Variants in DLG2 observed in about 807,000 individuals in gnomAD.
DLG2 encodes discs large MAGUK scaffold protein 2.
DLG2 carries 45 observed loss-of-function variants against 132.5 expected under a neutral mutation model. The ratio of observed to expected loss-of-function variants is 0.34; its 90% CI spans 0.27 to 0.44. The LOEUF (loss-of-function observed/expected upper bound fraction) is 0.44. Ranked by LOEUF, DLG2 falls within the 20% of genes least tolerant of loss-of-function variation. DLG2 has a pLI of 1.00. For synonymous variants in DLG2, 424 were observed against 419.6 expected (o/e 1.01, Z -0.13); for missense variants, 1,045 against 1,196.9 (o/e 0.87, Z 1.87).
intron 7 of DLG2, among the ~76,000 whole-genome samples, chr11:84,519,543 T>A (rs773620216): frequency 1.3e-5 from 2 of 152,142 alleles, no homozygotes; most frequent in African/African-American, 2.4e-5. Flanking sequence ...TCAGAAGCAG[T>A]TCTGCATTTA....
intron 18 of DLG2, among the ~76,000 whole-genome samples, chr11:83,703,360 C>T (rs1297010029): frequency 6.6e-6 from 1 of 152,162 alleles, no homozygotes; most frequent in Non-Finnish European, 1.5e-5. Context: ...ATAAAAATTT[C>T]AACAAACGGC....
intron 18 of DLG2, chr11:83,725,013 T>A: frequency 1.5e-6 from 1 of 667,664 alleles, no homozygotes; most frequent in Non-Finnish European, 2.7e-6. Context: ...CCAAAGCCTG[T>A]TAGGAGTGAA....
chr11:85,564,984 T>C (rs1042542289), intron 3 of DLG2, among the ~76,000 whole-genome samples: 3 of 152,084 alleles, frequency 2.0e-5, no homozygotes, highest in Non-Finnish European at 1.5e-5. Flanking sequence ...AAATATTTCA[T>C]ATTTTGATGT....
chr11:85,426,671 TG>T, intron 3 of DLG2, among the ~76,000 whole-genome samples: 1 of 151,850 alleles, frequency 6.6e-6, no homozygotes, highest in East Asian at 1.9e-4. Context: ...ACCACAAAGA[TG>T]GGGAAAAAAC....
intron 18 of DLG2, among the ~76,000 whole-genome samples, chr11:83,641,032 C>A (rs1199439485): frequency 6.6e-6 from 1 of 152,182 alleles, no homozygotes; most frequent in Non-Finnish European, 1.5e-5. Context: ...TACCCCCATA[C>A]ATTGTTGTTC....
In DLG2 at chr11:83,573,304, G is replaced by A. The variant is rs17464925; in HGVS notation, c.1941-31446C>T. Among the ~76,000 whole-genome samples, 861 of 152,202 alleles carry A rather than the reference G, an allele frequency of 5.7e-3. 5 individuals are homozygous for A. Among genetic ancestry groups the A allele is most frequent in the Middle Eastern group, 0.024 (7 of 294 alleles). On this transcript the variant is annotated intron_variant, in intron 19 of 27. Coordinates refer to ENST00000376104, the MANE Select transcript of DLG2 (RefSeq NM_001142699.3). ...AGATTTCGGTCTTAGTCATCTCTAT[G>A]TCATCAGTTAGGCAAACAAATGCCT... is the stretch of plus-strand genomic sequence containing the variant.
intron 7 of DLG2, among the ~76,000 whole-genome samples, chr11:84,466,868 A>G (rs1351867680): frequency 6.6e-6 from 1 of 151,454 alleles, no homozygotes; most frequent in Non-Finnish European, 1.5e-5. Context: ...ATAAGTAAAA[A>G]TACTAAGAAA....
intron 6 of DLG2, among the ~76,000 whole-genome samples, chr11:84,618,214 A>T (rs2099607865): frequency 6.6e-6 from 1 of 152,052 alleles, no homozygotes; most frequent in African/African-American, 2.4e-5. Context: ...AAGTCCAAAG[A>T]GGTTGAACCT....
chr11:83,900,559 T>C (rs1226981164), intron 15 of DLG2, among the ~76,000 whole-genome samples: 1 of 152,240 alleles, frequency 6.6e-6, no homozygotes, highest in African/African-American at 2.4e-5. Flanking sequence ...CTGTGGCTTC[T>C]GAGGGTGCAA....
At chr11:84,051,410 A>G (rs1222093263) in intron 11 of DLG2, among the ~76,000 whole-genome samples, 4 of 151,804 alleles carry the variant, frequency 2.6e-5, no homozygotes, top group Non-Finnish European at 5.9e-5. Context: ...TTAAGAAAAT[A>G]TGGCACACAT....
chr11:83,570,679 T>C (rs530144550), intron 19 of DLG2, among the ~76,000 whole-genome samples: 17 of 152,194 alleles, frequency 1.1e-4, no homozygotes, highest in African/African-American at 3.4e-4. Context: ...AGTGGGCAGA[T>C]ACATGAAGAC....
chr11:84,459,411 T>C (rs754452913), intron 7 of DLG2, among the ~76,000 whole-genome samples: 29 of 150,834 alleles, frequency 1.9e-4, no homozygotes, highest in Non-Finnish European at 3.1e-4. Context: ...GTAAACATTA[T>C]AATCCTTTCA....
At chr11:84,613,943 T>A (rs1345197969) in intron 6 of DLG2, among the ~76,000 whole-genome samples, 1 of 152,126 alleles carries the variant, frequency 6.6e-6, no homozygotes, top group Non-Finnish European at 1.5e-5. Context: ...TCTTTCATAT[T>A]TGTAAAGTGG....
chr11:84,235,093 GTCTTTAGATAAACTCTTT>G (rs2097142017), intron 8 of DLG2, among the ~76,000 whole-genome samples: 4 of 152,090 alleles, frequency 2.6e-5, no homozygotes, highest in Admixed American at 2.6e-4. Flanking sequence ...TTCATTCCAG[GTCTTTAGATAAACTCTTT>G]CAACCAATGC....
intron 4 of DLG2, among the ~76,000 whole-genome samples, chr11:85,271,450 GC>G (rs749360389): frequency 3.9e-5 from 6 of 152,214 alleles, no homozygotes; most frequent in Admixed American, 6.5e-5. Context: ...CCACTGGGGT[GC>G]TGTCTAGTGG....
At chr11:83,504,706 T>C (rs1384064552) in intron 21 of DLG2, among the ~76,000 whole-genome samples, 1 of 152,026 alleles carries the variant, frequency 6.6e-6, no homozygotes, top group East Asian at 1.9e-4. Flanking sequence ...TGCTAGTGGA[T>C]CACTAGGAGT....
chr11:84,365,865 T>G (rs944355531), intron 7 of DLG2, among the ~76,000 whole-genome samples: 2 of 151,978 alleles, frequency 1.3e-5, no homozygotes, highest in African/African-American at 4.8e-5. Context: ...ACGGGGAGAA[T>G]GGAACCAAGT....
intron 4 of DLG2, among the ~76,000 whole-genome samples, chr11:85,172,777 T>C (rs563912320): frequency 6.0e-4 from 91 of 152,096 alleles, no homozygotes; most frequent in African/African-American, 1.9e-3. Flanking sequence ...AGTGGGAACA[T>C]AATAGATCTG....
intron 18 of DLG2, chr11:83,646,512 T>C (rs1376101709): frequency 2.0e-5 from 3 of 152,280 alleles, no homozygotes; most frequent in African/African-American, 7.2e-5. Flanking sequence ...GTAGACACTT[T>C]TGGTGGTCTC....
Sources: allele counts gnomAD v4.1 joint callset (sites outside exome capture counted in the v4.1 genomes callset), GRCh38; gene constraint gnomAD v4.1.1; transcripts MANE v1.5; gene names NCBI Gene and HGNC (gene_info 2026-07-23, HGNC 2026-07-21).